CKB: variants seen among roughly 807,000 people sequenced by gnomAD.
CKB encodes creatine kinase B-type.
In CKB, 15 loss-of-function variants were observed where a neutral mutation model predicts 36.9. That is an observed-to-expected ratio of 0.41 (90% CI 0.27 to 0.63). The LOEUF is 0.63. Ranked by LOEUF, CKB falls within the 20% of genes least tolerant of loss-of-function variation. The probability of loss-of-function intolerance (pLI) is 0.34; values close to 1 mark genes in which losing one functional copy is unlikely to be tolerated. For synonymous variants in CKB, 250 were observed against 228.2 expected (o/e 1.10, Z -0.86); for missense variants, 413 against 534.9 (o/e 0.77, Z 2.25).
rs766364445 is a variant in CKB, at chr14:103,522,427, G to A, written c.67C>T (p.Leu23=). Residue 23 remains leucine (L), a synonymous_variant, in exon 2 of 8, where the codon CTG becomes TTG. Coordinates refer to ENST00000348956, the MANE Select transcript of CKB (RefSeq NM_001823.5). This position sits in a 1 kb window ranked among gnomAD's most constrained non-coding sequence, Gnocchi z 6.7. ...GCCATGTGGTTGTTGTGGGCGCTCAGGTCGGGGAACTCGTCCTCGGCCGGG... is the reference window on the plus strand; with the variant it reads ...GCCATGTGGTTGTTGTGGGCGCTCAAGTCGGGGAACTCGTCCTCGGCCGGG... ...RFPAEDEFPD[L]SAHNNHMAKV... is the part of the protein sequence containing the mutation. The A allele has an allele frequency of 1.9e-6, 3 of 1,610,578 alleles. No individual in the cohort carries two copies. Among genetic ancestry groups the A allele is most frequent in the Middle Eastern group, 1.7e-4 (1 of 6,046 alleles).
Position 103,522,733 on chromosome 14 carries a change from G to A in CKB, c.-13+33C>T, listed in dbSNP as rs1410097423. ...TTTGCACGCAGCGCCCCTAGCCCGG[G>A]CGCGGACGCCCCCGGCCCCCGGGCC... On this transcript the variant is annotated intron_variant, in intron 1 of 7. Coordinates refer to ENST00000348956, the MANE Select transcript of CKB (RefSeq NM_001823.5). The surrounding 1 kb of genome is among the most constrained non-coding windows in gnomAD (Gnocchi z 6.7). The A allele has an allele frequency of 6.6e-6, 1 of 150,724 alleles. No individual in the cohort carries two copies. The highest frequency in any genetic ancestry group is 1.5e-5 in the Non-Finnish European group (1 of 68,326). The allele number at this position is 150,724 out of a possible 1,614,324, so 9.3% of individuals were successfully genotyped here. A position where few individuals can be genotyped will look rare whatever the true frequency, so the allele number is the denominator to read the frequency against.
Position 103,521,444 on chromosome 14 carries a change from G to A in CKB, c.482-10C>T, listed in dbSNP as rs759797744. On this transcript the variant is annotated splice_polypyrimidine_tract_variant and intron_variant, in intron 4 of 7. Transcript: ENST00000348956. ...TCCAGGCTGGACAGGGCTGCGAGGG[G>A]TGCGCTCAGGACGCTCGGCTCCCGC... The A allele has an allele frequency of 3.8e-6, 6 of 1,577,010 alleles. 1 individual carries two copies. The South Asian group carries it at 4.5e-5, about 12-fold the overall frequency.
At chr14:103,520,725 C>A in intron 5 of CKB, 133 bp from the exon 6 acceptor site, 2 of 1,281,222 alleles carry the variant, frequency 1.6e-6, no homozygotes, top group South Asian at 3.1e-5. Context: ...CAAGACTCCA[C>A]CCGCCAACAC....
chr14:103,520,740 C>T (rs893227225), intron 5 of CKB, 148 bp from the exon 6 acceptor site: 8 of 1,183,046 alleles, frequency 6.8e-6, no homozygotes, highest in East Asian at 2.6e-5. Context: ...CAACACGGGG[C>T]GGGCGGGGGA....
In CKB at chr14:103,520,529, G is replaced by A. The variant is rs1595994711; in HGVS notation, c.717C>T (p.Ser239=). 2.5e-6 allele frequency: 4 copies of A among 1,612,346 alleles called. No homozygotes were observed. Among genetic ancestry groups the A allele is most frequent in the Middle Eastern group, 1.7e-4 (1 of 6,060 alleles). The part of the protein sequence containing the change: ...VNEEDHLRVI[S]MQKGGNMKEV... Reference sequence around the variant, plus strand: ...CCTTCATGTTGCCCCCCTTCTGCATGGAGATGACCCGCAGGTGGTCCTCCT... The same window carrying A: ...CCTTCATGTTGCCCCCCTTCTGCATAGAGATGACCCGCAGGTGGTCCTCCT... Residue 239 remains serine (S), a synonymous_variant, in exon 6 of 8, where the codon TCC becomes TCT. Transcript: ENST00000348956.
Position 103,522,140 on chromosome 14 carries a change from G to A in CKB, c.231C>T (p.Gly77=), listed in dbSNP as rs777784058. The A allele has an allele frequency of 6.2e-6, 10 of 1,601,768 alleles. No individual in the cohort carries two copies. The East Asian group carries it at 2.0e-4, about 33-fold the overall frequency. The change falls in exon 3 of 8, where the codon GGC becomes GGT. Residue 77 remains glycine (G), a synonymous_variant. Coordinates refer to ENST00000348956, the MANE Select transcript of CKB (RefSeq NM_001823.5). This position sits in a 1 kb window ranked among gnomAD's most constrained non-coding sequence, Gnocchi z 6.7. The part of the protein sequence containing the change: ...PYIMTVGCVA[G]DEESYEVFKD... ...TGAACACTTCGTAGGACTCCTCGTC[G>A]CCCGCCACGCAGCCCACGGTCATGA...
At position 103,520,146 on chromosome 14, in the gene CKB, G is replaced by A. The variant is rs748353232; in HGVS notation, c.943C>T (p.Leu315=). 3.1e-6 allele frequency: 5 copies of A among 1,604,584 alleles called. No homozygotes were observed. Among genetic ancestry groups the A allele is most frequent in the Middle Eastern group, 1.7e-4 (1 of 6,006 alleles). The change falls in exon 7 of 8, where the codon CTG becomes TTG. Residue 315 remains leucine, a synonymous_variant. Transcript: ENST00000348956. The part of the protein sequence containing the change: ...HEKFSEVLKR[L]RLQKRGTGGV... ...CCTGTGCCTCGCTTCTGAAGTCGCAGCCGCTTAAGCACCTCCGAGAACTTC... is the reference window on the plus strand; with the variant it reads ...CCTGTGCCTCGCTTCTGAAGTCGCAACCGCTTAAGCACCTCCGAGAACTTC...
Position 103,522,293 on chromosome 14 carries a change from T to A in CKB, c.193+8A>T. On this transcript the variant is annotated splice_region_variant and intron_variant, in intron 2 of 7. Coordinates refer to ENST00000348956, the MANE Select transcript of CKB (RefSeq NM_001823.5). The surrounding 1 kb of genome is among the most constrained non-coding windows in gnomAD (Gnocchi z 6.7). ...GGGCCGGGACCCCGGCCCCGAGGGG[T>A]CGCGTACCCGGGTTGTCCACGCCTG... 1 of 1,592,180 alleles carries A rather than the reference T, an allele frequency of 6.3e-7. No homozygotes were observed. Among genetic ancestry groups the A allele is most frequent in the Middle Eastern group, 1.7e-4 (1 of 5,888 alleles).
At chr14:103,521,622 T>G in intron 4 of CKB, 188 bp from the exon 5 acceptor site, 1 of 915,402 alleles carries the variant, frequency 1.1e-6, no homozygotes, top group Non-Finnish European at 1.5e-6. Context: ...GGACCCGCCC[T>G]CCCTGGGCCC....
chr14:103,521,216 G>A, intron 5 of CKB, 47 bp downstream of exon 5: 5 of 1,535,524 alleles, frequency 3.3e-6, no homozygotes, highest in Non-Finnish European at 3.5e-6. Flanking sequence ...GAAAGCGGAG[G>A]TAGCGGGGAG....
intron 5 of CKB, chr14:103,521,008 T>A (rs2142230209): frequency 1.6e-6 from 1 of 609,488 alleles, no homozygotes; most frequent in East Asian, 2.9e-5. Context: ...ACCTCACGTC[T>A]CGGGGTGGGG....
chr14:103,519,860 G>C lies in CKB; in HGVS notation c.*4C>G. 1 of 1,598,796 alleles carries C rather than the reference G, an allele frequency of 6.3e-7. No homozygotes were observed. Among genetic ancestry groups the C allele is most frequent in the South Asian group, 1.1e-5 (1 of 90,588 alleles). ...CAGGGCTGGTGTCGGGTGTGGGCCG[G>C]GCTTCATTTCTGGGCAGGCATGAGG... On this transcript the variant is annotated 3_prime_UTR_variant, in exon 8 of 8. Transcript: ENST00000348956.
rs1217344683 is a variant in CKB at position 103,522,606 on chromosome 14, G to A, written c.-12-101C>T. On this transcript the variant is annotated intron_variant, in intron 1 of 7. Transcript: ENST00000348956. The surrounding 1 kb of genome is among the most constrained non-coding windows in gnomAD (Gnocchi z 6.7). The stretch of plus-strand genomic sequence containing the variant: ...CCGCCGGGCCCCCCGGCGCCCCCCG[G>A]GACGCGGCCAAGGTCAGCGGGGTCC... 1.2e-6 allele frequency: 1 copy of A among 860,526 alleles called. No individual in the cohort carries two copies. 53.3% of individuals were successfully genotyped at this position (860,526 alleles called of 1,614,324 possible). A position where few individuals can be genotyped will look rare whatever the true frequency, so the allele number is the denominator to read the frequency against.
chr14:103,519,709 TA>T lies in CKB; in HGVS notation c.*154del, dbSNP rs1346166551. ...GTTTATTTCAGCATCAGCAGTATCT[TA>T]GCCATCAAAAAAATAAACTCTACCA... On this transcript the variant is annotated 3_prime_UTR_variant, in exon 8 of 8. Transcript: ENST00000348956. 1.2e-5 allele frequency: 10 copies of T among 808,396 alleles called. No individual in the cohort carries two copies. In the African/African-American group the frequency reaches 1.7e-4, roughly 14 times the overall value. 50.1% of individuals were successfully genotyped at this position (808,396 alleles called of 1,614,324 possible).
rs532168573 is a variant in CKB at position 103,521,702 on chromosome 14, G to T, written c.481+116C>A. ...TCCGGGAAACTGAACCCGGGCGCGC[G>T]CAGATAAGAGCGCGACGGCGGCTGC... is the stretch of plus-strand genomic sequence containing the variant. On this transcript the variant is annotated intron_variant, in intron 4 of 7. Coordinates refer to ENST00000348956, the MANE Select transcript of CKB (RefSeq NM_001823.5). 54 of 1,175,852 alleles carry T rather than the reference G, an allele frequency of 4.6e-5. No individual in the cohort carries two copies. In the African/African-American group the frequency reaches 8.1e-4, roughly 18 times the overall value. 72.8% of individuals were successfully genotyped at this position (1,175,852 alleles called of 1,614,324 possible).
In CKB at chr14:103,522,580, G is replaced by GCCCCCCC; in HGVS notation, c.-12-76_-12-75insGGGGGGG. Reference sequence around the variant, plus strand: ...GCTCCCGCGTACCACTCAGGCCCCCGCCGCCGGGCCCCCCGGCGCCCCCCG... The same window carrying GCCCCCCC: ...GCTCCCGCGTACCACTCAGGCCCCCGCCCCCCCCCGCCGGGCCCCCCGGCGCCCCCCG... On this transcript the variant is annotated intron_variant, in intron 1 of 7. Transcript: ENST00000348956. The surrounding 1 kb of genome is among the most constrained non-coding windows in gnomAD (Gnocchi z 6.7). 7.3e-6 allele frequency: 3 copies of GCCCCCCC among 408,726 alleles called. No individual in the cohort carries two copies. The highest frequency in any genetic ancestry group is 1.1e-5 in the Non-Finnish European group (3 of 271,292). The allele number at this position is 408,726 out of a possible 1,614,324, so 25.3% of individuals were successfully genotyped here. A position where few individuals can be genotyped will look rare whatever the true frequency, so the allele number is the denominator to read the frequency against.
chr14:103,519,837 G>A lies in CKB; in HGVS notation c.*27C>T, dbSNP rs373959684. 1.6e-5 allele frequency: 26 copies of A among 1,576,328 alleles called. No individual in the cohort carries two copies. The highest frequency in any genetic ancestry group is 1.6e-4 in the African/African-American group (12 of 74,334). On this transcript the variant is annotated 3_prime_UTR_variant, in exon 8 of 8. Coordinates refer to ENST00000348956, the MANE Select transcript of CKB (RefSeq NM_001823.5). ...CCAGGCAATAAGTTAGGAAGCAGCA[G>A]GGCTGGTGTCGGGTGTGGGCCGGGC... is the stretch of plus-strand genomic sequence containing the variant.
chr14:103,519,967 T>G lies in CKB; in HGVS notation c.1043A>C (p.Glu348Ala). The change falls in exon 8 of 8, where the codon GAG becomes GCG. Residue 348 changes from glutamate to alanine, a missense_variant. Glu to Ala is a moderately radical substitution (Grantham distance 107, BLOSUM62 -1). This residue lies in a region of CKB where 314 missense variants were observed against 409.4 expected (regional missense o/e 0.77). Transcript: ENST00000348956. Reference protein sequence around the residue: ...NADRLGFSEVELVQMVVDGVK... With the variant: ...NADRLGFSEVALVQMVVDGVK... ...TCCGTCCACCACCATCTGCACCAGC[T>G]CCACCTCTGAGAAGCCCAGGCGGTC... 1 of 1,611,128 alleles carries G rather than the reference T, an allele frequency of 6.2e-7. No homozygotes were observed. The highest frequency in any genetic ancestry group is 8.5e-7 in the Non-Finnish European group (1 of 1,179,986).
At chr14:103,520,786 C>T in intron 5 of CKB, 194 bp from the exon 6 acceptor site, 1 of 776,846 alleles carries the variant, frequency 1.3e-6, no homozygotes, top group Non-Finnish European at 2.0e-6. Context: ...CCCCAGCTGC[C>T]ATCATGCGCT....
Sources: gnomAD v4.1 joint callset for allele counts on GRCh38, gnomAD v4.1.1 for gene constraint, gnomAD v4.1.1 regional missense constraint, Gnocchi (gnomAD v3.1) non-coding constraint, MANE v1.5 for transcripts, NCBI Gene and HGNC (gene_info 2026-07-23, HGNC 2026-07-21) for gene names.